LRRC37B: variants seen among roughly 807,000 people sequenced by gnomAD.
LRRC37B encodes leucine rich repeat containing 37B, also known as leucine-rich repeat-containing protein 37B.
Under a neutral mutation model 98.3 loss-of-function variants are expected in LRRC37B, and 28 were observed. That is an observed-to-expected ratio of 0.28 (90% CI 0.21 to 0.39). LRRC37B has a LOEUF of 0.39. Ranked by LOEUF, LRRC37B falls within the 10% of genes least tolerant of loss-of-function variation. The pLI is 1.00. For synonymous variants in LRRC37B, 364 were observed against 442.7 expected (o/e 0.82, Z 2.23); for missense variants, 938 against 1,182.7 (o/e 0.79, Z 3.03).
Position 32,042,834 on chromosome 17 carries a change from A to AC in LRRC37B, c.2205-2865dup, listed in dbSNP as rs1440997122. 1.5e-4 allele frequency: 5 copies of AC among 32,752 alleles called. No individual in the cohort carries two copies. The East Asian group carries it at 0.012, about 78-fold the overall frequency. 2.0% of individuals were successfully genotyped at this position (32,752 alleles called of 1,614,324 possible). A position where few individuals can be genotyped will look rare whatever the true frequency, so the allele number is the denominator to read the frequency against. On this transcript the variant is annotated intron_variant, in intron 7 of 11. Coordinates refer to ENST00000327564, the Ensembl canonical transcript of LRRC37B. ...AAACAGAAGTATTAAAGGTCTTTCT[A>AC]CAAAAAAAAAAAAAATCATGAACAC...
chr17:32,036,976 ATTTTTTTTTTTTTTTTT>A (rs71360793), intron 7 of LRRC37B, among the ~76,000 whole-genome samples: 2 of 51,702 alleles, frequency 3.9e-5, no homozygotes, highest in East Asian at 1.5e-3. Flanking sequence ...CATCTTCAGC[ATTTTTTTTTTTTTTTTT>A]TTTTTTTTTT....
chr17:32,027,883 C>G (rs1478802268), intron 3 of LRRC37B, 43 bp downstream of exon 6: 14 of 1,420,692 alleles, frequency 9.9e-6, no homozygotes, highest in Non-Finnish European at 1.4e-5. Flanking sequence ...GTCATATTAT[C>G]TTTAAAATGA....
At chr17:32,049,355 C>T (rs1246583523) in exon 10 of LRRC37B, 1 of 1,612,394 alleles carries the variant, frequency 6.2e-7, no homozygotes. Context: ...TTAATGAGAA[C>T]ATGGAACAGA....
At chr17:32,017,541 A>C (rs1176542613), upstream of LRRC37B, among the ~76,000 whole-genome samples, 3 of 152,238 alleles carry the variant, frequency 2.0e-5, no homozygotes, top group Admixed American at 6.5e-5. Flanking sequence ...ATGGTGACCC[A>C]CGCCTGAAAT....
chr17:32,022,015 A>T (rs1403052513), exon 1 of LRRC37B: 4 of 1,613,874 alleles, frequency 2.5e-6, no homozygotes, highest in Non-Finnish European at 3.4e-6. Flanking sequence ...CAGCTTCTAC[A>T]GCTCCCTCAG....
At chr17:32,047,655 G>A (rs767950568) in intron 8 of LRRC37B, 106 bp from the exon 12 acceptor site, 2 of 1,540,356 alleles carry the variant, frequency 1.3e-6, no homozygotes, top group Non-Finnish European at 1.8e-6. Context: ...GCACTCGAAT[G>A]TTTGCTGACT....
chr17:32,012,117 C>T (rs1030711636), intron 1 of LRRC37B, among the ~76,000 whole-genome samples: 2 of 152,058 alleles, frequency 1.3e-5, no homozygotes, highest in Non-Finnish European at 2.9e-5. Context: ...GTCCTGCTGC[C>T]GTTAGGTAAA....
intron 2 of LRRC37B, among the ~76,000 whole-genome samples, chr17:32,026,880 C>G (rs1168841060): frequency 6.6e-6 from 1 of 152,160 alleles, no homozygotes; most frequent in East Asian, 1.9e-4. Flanking sequence ...ACATGGGTAT[C>G]TGCTTTATAA....
At chr17:32,016,673 T>C (rs1910653815), upstream of LRRC37B, among the ~76,000 whole-genome samples, 1 of 152,212 alleles carries the variant, frequency 6.6e-6, no homozygotes, top group South Asian at 2.1e-4. Flanking sequence ...TTGGGTTGCA[T>C]TTGAGATGAC....
At chr17:32,014,391 A>G (rs1433473150) in intron 1 of LRRC37B, among the ~76,000 whole-genome samples, 1 of 152,232 alleles carries the variant, frequency 6.6e-6, no homozygotes, top group Non-Finnish European at 1.5e-5. Flanking sequence ...CCAGAATTCT[A>G]TATCCAGCAA....
At chr17:32,033,138 TG>T (rs1469238136) in intron 5 of LRRC37B, among the ~76,000 whole-genome samples, 1 of 152,138 alleles carries the variant, frequency 6.6e-6, no homozygotes, top group Non-Finnish European at 1.5e-5. Flanking sequence ...CACTCAAGCC[TG>T]GGCGACAGAG....
At chr17:32,046,404 T>C (rs1911580190) in intron 8 of LRRC37B, among the ~76,000 whole-genome samples, 1 of 152,216 alleles carries the variant, frequency 6.6e-6, no homozygotes, top group Non-Finnish European at 1.5e-5. Context: ...CAAACCTTTC[T>C]ATTCGCAGAA....
exon 1 of LRRC37B, chr17:32,021,132 G>A (rs375662333): frequency 4.8e-5 from 77 of 1,614,032 alleles, no homozygotes; most frequent in African/African-American, 1.6e-4. Context: ...TGAGTGCATA[G>A]CACCAGCGTG....
chr17:32,021,748 G>A (rs772203814), exon 1 of LRRC37B: 1 of 1,614,218 alleles, frequency 6.2e-7, no homozygotes, highest in South Asian at 1.1e-5. Flanking sequence ...GAACGTTGGA[G>A]CCTTCCTGAG....
At chr17:32,047,676 G>A in intron 8 of LRRC37B, 85 bp from the exon 12 acceptor site, 1 of 1,593,942 alleles carries the variant, frequency 6.3e-7, no homozygotes, top group Non-Finnish European at 8.6e-7. Context: ...CTTACTCTGT[G>A]TGACTGGGGC....
At chr17:32,051,527 C>T (rs1369846223) in intron 11 of LRRC37B, 3 of 151,576 alleles carry the variant, frequency 2.0e-5, no homozygotes, top group Non-Finnish European at 4.4e-5. Context: ...CTGAATATTC[C>T]AGCCCTCCTG....
rs3963905 is a variant in LRRC37B at position 32,023,643 on chromosome 17, A to G, written c.1760+818A>G. On this transcript the variant is annotated intron_variant, in intron 1 of 11. Coordinates refer to ENST00000327564, the Ensembl canonical transcript of LRRC37B. ...ATTTCATAGGATTGTTGTGAAATTT[A>G]GGTGAGTGAATACATGGAACACTTC... Among the ~76,000 whole-genome samples, 4 of 152,228 alleles carry G rather than the reference A, an allele frequency of 2.6e-5. No homozygotes were observed. In the East Asian group the frequency reaches 5.8e-4, roughly 22 times the overall value.
chr17:32,026,172 A>G (rs1286514663), intron 2 of LRRC37B, among the ~76,000 whole-genome samples: 2 of 152,238 alleles, frequency 1.3e-5, no homozygotes, highest in Non-Finnish European at 2.9e-5. Flanking sequence ...TTTGTGTCAC[A>G]TCATTAGTTT....
At chr17:32,030,034 C>A (rs1461348323) in intron 3 of LRRC37B, among the ~76,000 whole-genome samples, 1 of 151,882 alleles carries the variant, frequency 6.6e-6, no homozygotes, top group Non-Finnish European at 1.5e-5. Flanking sequence ...CAACGTTACA[C>A]CATCCAGGTA....
Sources: gnomAD v4.1 joint callset for allele counts (sites outside exome capture counted in the v4.1 genomes callset) on GRCh38, gnomAD v4.1.1 for gene constraint, MANE v1.5 for transcripts, NCBI Gene and HGNC (gene_info 2026-07-23, HGNC 2026-07-21) for gene names.